The following GFRA1 variants were observed in gnomAD, a reference collection of about 807,000 sequenced individuals.
GFRA1 encodes the protein GDNF family receptor alpha-1.
A neutral mutation model predicts 51.6 loss-of-function variants in GFRA1; 16 were observed. That is an observed-to-expected ratio of 0.31 (90% CI 0.21 to 0.47). The LOEUF is 0.47. GFRA1 is among the 20% of genes least tolerant of loss of function. The pLI is 1.00. For synonymous variants in GFRA1, 270 were observed against 241.3 expected (o/e 1.12, Z -1.10); for missense variants, 530 against 594.3 (o/e 0.89, Z 1.13).
chr10:116,194,025 G>C (rs887796846), intron 5 of GFRA1, among the ~76,000 whole-genome samples: 5 of 146,280 alleles, frequency 3.4e-5, no homozygotes, highest in Admixed American at 1.4e-4. Context: ...GGCCACAGAG[G>C]GAGACTCCGT....
chr10:116,274,266 C>T (rs1844140150), upstream of GFRA1, among the ~76,000 whole-genome samples: 1 of 151,992 alleles, frequency 6.6e-6, no homozygotes, highest in African/African-American at 2.4e-5. Flanking sequence ...AGGAGCCAGC[C>T]GGCAGTGCTC....
intron 5 of GFRA1, among the ~76,000 whole-genome samples, chr10:116,194,812 C>G (rs1405755185): frequency 6.6e-6 from 1 of 152,176 alleles, no homozygotes; most frequent in African/African-American, 2.4e-5. Flanking sequence ...ATTCCCCACA[C>G]AGACTGAGAA....
rs1338892485 is a variant in GFRA1 at position 116,064,197 on chromosome 10, A to C, written c.*201T>G. ...CCCAAAGCCTTCTGAGTTTGGATGG[A>C]GCACTGCATCAGGTTTTTCACAGAA... is the stretch of plus-strand genomic sequence containing the variant. On this transcript the variant is annotated 3_prime_UTR_variant, in exon 11 of 11. Transcript: ENST00000355422. 1 of 578,006 alleles carries C rather than the reference A, an allele frequency of 1.7e-6. No individual in the cohort carries two copies. The highest frequency in any genetic ancestry group is 3.1e-6 in the Non-Finnish European group (1 of 325,948). The allele number at this position is 578,006 out of a possible 1,614,324, so 35.8% of individuals were successfully genotyped here.
chr10:116,120,125 CAG>C (rs1957582821), intron 6 of GFRA1, among the ~76,000 whole-genome samples: 1 of 152,198 alleles, frequency 6.6e-6, no homozygotes. Context: ...ACTACGGGGA[CAG>C]AGAGTTGGAC....
At position 116,251,963 on chromosome 10, in the gene GFRA1, CTTTTTTTTTT is replaced by C. The variant is rs3032041; in HGVS notation, c.418+17530_418+17539del. 1.1e-4 allele frequency among the ~76,000 whole-genome samples: 9 copies of C among 79,820 alleles called. No homozygotes were observed. In the South Asian group the frequency reaches 2.6e-3, roughly 23 times the overall value. 52.4% of individuals were successfully genotyped at this position (79,820 alleles called of 152,430 possible). A position where few individuals can be genotyped will look rare whatever the true frequency, so the allele number is the denominator to read the frequency against. ...AGAGGACACAGACAACAATAGGCCTCTTTTTTTTTTTTTTTTTTTTTTTTTTTACAATTAC... is the reference window on the plus strand; with the variant it reads ...AGAGGACACAGACAACAATAGGCCTCTTTTTTTTTTTTTTTTTACAATTAC... On this transcript the variant is annotated intron_variant, in intron 4 of 10. Coordinates refer to ENST00000355422, the MANE Select transcript of GFRA1 (RefSeq NM_005264.8).
At chr10:116,228,765 G>A (rs1051856280) in intron 4 of GFRA1, among the ~76,000 whole-genome samples, 37 of 151,802 alleles carry the variant, frequency 2.4e-4, no homozygotes, top group African/African-American at 8.4e-4. Context: ...GGCAGATCAC[G>A]AGGTCAGGAG....
intron 6 of GFRA1, among the ~76,000 whole-genome samples, chr10:116,112,262 C>T (rs1957241985): frequency 6.6e-6 from 1 of 152,176 alleles, no homozygotes; most frequent in African/African-American, 2.4e-5. Context: ...GGCATTCCCT[C>T]TCCAAGCTGT....
chr10:116,117,645 A>T (rs1957482303), intron 6 of GFRA1, among the ~76,000 whole-genome samples: 1 of 151,402 alleles, frequency 6.6e-6, no homozygotes, highest in African/African-American at 2.4e-5. Flanking sequence ...GGATGGATTA[A>T]TGGATGGATA....
intron 4 of GFRA1, among the ~76,000 whole-genome samples, chr10:116,252,206 G>C (rs1968437005): frequency 6.6e-6 from 1 of 151,928 alleles, no homozygotes; most frequent in Non-Finnish European, 1.5e-5. Context: ...GAACTCACAA[G>C]TACTCACCTT....
At chr10:116,132,988 A>G (rs1958168913) in intron 5 of GFRA1, among the ~76,000 whole-genome samples, 1 of 152,064 alleles carries the variant, frequency 6.6e-6, no homozygotes, top group South Asian at 2.1e-4. Context: ...TCCACAGCTC[A>G]TTTTAGAGCT....
At chr10:116,158,618 C>T (rs1024871472) in intron 5 of GFRA1, among the ~76,000 whole-genome samples, 1 of 152,214 alleles carries the variant, frequency 6.6e-6, no homozygotes. Flanking sequence ...AAAAAGCCAG[C>T]AGTGCTGGGA....
intron 5 of GFRA1, among the ~76,000 whole-genome samples, chr10:116,173,626 G>C (rs1236678771): frequency 6.6e-6 from 1 of 152,142 alleles, no homozygotes; most frequent in African/African-American, 2.4e-5. Flanking sequence ...ACTCCCAAGG[G>C]ATTCAGAAAG....
chr10:116,148,093 C>CGTGTGTGCATGTGT (rs1565610674), intron 5 of GFRA1, among the ~76,000 whole-genome samples: 2 of 95,326 alleles, frequency 2.1e-5, no homozygotes, highest in East Asian at 3.2e-4. Flanking sequence ...TGTGTGCATG[C>CGTGTGTGCATGTGT]GTGTGTGCAT....
chr10:116,272,283 G>A lies in GFRA1; in HGVS notation c.-246-8C>T. The A allele has an allele frequency of 5.2e-6, 3 of 578,188 alleles. No individual in the cohort carries two copies. The highest frequency in any genetic ancestry group is 9.3e-6 in the Non-Finnish European group (3 of 323,076). The allele number at this position is 578,188 out of a possible 1,614,324, so 35.8% of individuals were successfully genotyped here. A position where few individuals can be genotyped will look rare whatever the true frequency, so the allele number is the denominator to read the frequency against. On this transcript the variant is annotated splice_polypyrimidine_tract_variant and splice_region_variant and intron_variant, in intron 1 of 10. Coordinates refer to ENST00000355422, the MANE Select transcript of GFRA1 (RefSeq NM_005264.8). The surrounding 1 kb of genome is among the most constrained non-coding windows in gnomAD (Gnocchi z 4.4). ...GTTCAGGTCCGACCCAACCTGGAAGGGAGGGCGCGCTTTGAGATGAGAGCG... is the reference window on the plus strand; with the variant it reads ...GTTCAGGTCCGACCCAACCTGGAAGAGAGGGCGCGCTTTGAGATGAGAGCG...
At chr10:116,070,633 T>G (rs2133792045) in intron 9 of GFRA1, among the ~76,000 whole-genome samples, 1 of 152,308 alleles carries the variant, frequency 6.6e-6, no homozygotes, top group Non-Finnish European at 1.5e-5. Flanking sequence ...TATATAACAA[T>G]TCTATTGTGT....
At chr10:116,134,442 C>T (rs905634307) in intron 5 of GFRA1, among the ~76,000 whole-genome samples, 2 of 152,292 alleles carry the variant, frequency 1.3e-5, no homozygotes, top group South Asian at 2.1e-4. Context: ...CTTCTGATAT[C>T]CACACGGATC....
intron 5 of GFRA1, among the ~76,000 whole-genome samples, chr10:116,191,215 T>C (rs774411438): frequency 2.6e-5 from 4 of 152,236 alleles, no homozygotes; most frequent in Non-Finnish European, 5.9e-5. Context: ...CTAGTTATGC[T>C]AGAACTGTGT....
chr10:116,167,832 C>A (rs1960632424), intron 5 of GFRA1, among the ~76,000 whole-genome samples: 1 of 152,152 alleles, frequency 6.6e-6, no homozygotes, highest in African/African-American at 2.4e-5. Flanking sequence ...CAAAGAAGCA[C>A]TGCTATGAAA....
At chr10:116,120,463 T>C (rs1318033751) in intron 6 of GFRA1, among the ~76,000 whole-genome samples, 1 of 152,044 alleles carries the variant, frequency 6.6e-6, no homozygotes, top group Non-Finnish European at 1.5e-5. Flanking sequence ...CATGCACCTG[T>C]AGTCCCAGCT....
Sources: allele counts gnomAD v4.1 joint callset (sites outside exome capture counted in the v4.1 genomes callset), GRCh38; gene constraint gnomAD v4.1.1; non-coding constraint Gnocchi (gnomAD v3.1); transcripts MANE v1.5; gene names NCBI Gene and HGNC (gene_info 2026-07-23, HGNC 2026-07-21).